The following ERBB4 variants were observed in gnomAD, a reference collection of about 807,000 sequenced individuals.
The protein encoded by ERBB4 is erb-b2 receptor tyrosine kinase 4.
ERBB4 carries 42 observed loss-of-function variants against 158.0 expected under a neutral mutation model. The ratio of observed to expected loss-of-function variants is 0.27; its 90% CI spans 0.21 to 0.34. The LOEUF (loss-of-function observed/expected upper bound fraction) is 0.34, where lower values mean the gene tolerates loss of function less well. Among genes scored for constraint, ERBB4 ranks in the 10% least tolerant of loss-of-function variants. The pLI is 1.00. For missense variants in ERBB4, 1,333 were observed against 1,624.1 expected (o/e 0.82, Z 3.08); for synonymous variants, 583 against 558.7 (o/e 1.04, Z -0.61).
intron 1 of ERBB4, among the ~76,000 whole-genome samples, chr2:212,243,690 G>A (rs929610544): frequency 4.6e-5 from 7 of 151,930 alleles, no homozygotes; most frequent in Non-Finnish European, 7.4e-5. Flanking sequence ...TCAGTTCTGG[G>A]GGTCATATCC....
intron 1 of ERBB4, among the ~76,000 whole-genome samples, chr2:212,217,451 T>C (rs1034834738): frequency 6.6e-6 from 1 of 151,192 alleles, no homozygotes; most frequent in African/African-American, 2.4e-5. Context: ...AAAAAAGACA[T>C]GAAACTTTCT....
Position 212,456,209 on chromosome 2 carries a change from ATTC to A in ERBB4, c.82+82237_82+82239del, listed in dbSNP as rs529558640. 4.7e-4 allele frequency among the ~76,000 whole-genome samples: 72 copies of A among 152,260 alleles called. 1 individual carries two copies. Among genetic ancestry groups the A allele is most frequent in the African/African-American group, 1.7e-3 (70 of 41,578 alleles). On this transcript the variant is annotated intron_variant, in intron 1 of 27. Coordinates refer to ENST00000342788, the MANE Select transcript of ERBB4 (RefSeq NM_005235.3). ...TAATTTCAAAAACAGCTTCAAAATA[ATTC>A]TTCTAACTCCCTAACATAAAATAAA...
At position 212,138,565 on chromosome 2, in the gene ERBB4, T is replaced by G. The variant is rs188631957; in HGVS notation, c.83-13662A>C. 2.6e-5 allele frequency among the ~76,000 whole-genome samples: 4 copies of G among 152,218 alleles called. No individual in the cohort carries two copies. In the East Asian group the frequency reaches 7.7e-4, roughly 29 times the overall value. On this transcript the variant is annotated intron_variant, in intron 1 of 27. Transcript: ENST00000342788. ...AGATGCAGCTCCCCATTCTTGAACTTTCTAGCCTCCAGAATTATAAAAAAA... is the reference window on the plus strand; with the variant it reads ...AGATGCAGCTCCCCATTCTTGAACTGTCTAGCCTCCAGAATTATAAAAAAA...
chr2:211,854,506 G>T (rs13029161), intron 3 of ERBB4, among the ~76,000 whole-genome samples: 1 of 151,918 alleles, frequency 6.6e-6, no homozygotes, highest in Admixed American at 6.6e-5. Context: ...CCTTTCAACA[G>T]GCAATGCCAT....
chr2:212,510,232 T>TA (rs1553655293), intron 1 of ERBB4, among the ~76,000 whole-genome samples: 2 of 144,508 alleles, frequency 1.4e-5, no homozygotes, highest in South Asian at 4.3e-4. Flanking sequence ...TATATATATA[T>TA]AACTACTCCC....
chr2:211,697,271 A>G (rs2073062693), intron 12 of ERBB4, among the ~76,000 whole-genome samples: 1 of 152,144 alleles, frequency 6.6e-6, no homozygotes, highest in South Asian at 2.1e-4. Context: ...TTAATAAATT[A>G]TTTTGGATCC....
chr2:211,693,704 T>C (rs2072905896), intron 12 of ERBB4, among the ~76,000 whole-genome samples: 1 of 152,212 alleles, frequency 6.6e-6, no homozygotes, highest in Admixed American at 6.5e-5. Flanking sequence ...CCACTGTCTG[T>C]GTTAGTTCCA....
chr2:212,500,237 T>C (rs1690811626), intron 1 of ERBB4, among the ~76,000 whole-genome samples: 1 of 152,142 alleles, frequency 6.6e-6, no homozygotes, highest in African/African-American at 2.4e-5. Context: ...TTCATAGGTT[T>C]GCATAATAAG....
chr2:211,399,295 A>G (rs192341536), intron 25 of ERBB4, among the ~76,000 whole-genome samples: 9 of 152,324 alleles, frequency 5.9e-5, no homozygotes, highest in Admixed American at 5.9e-4. Context: ...AATTTTTCAT[A>G]TCTAGCACAG....
At chr2:211,687,986 T>C (rs1019325240) in intron 12 of ERBB4, among the ~76,000 whole-genome samples, 1 of 152,320 alleles carries the variant, frequency 6.6e-6, no homozygotes, top group African/African-American at 2.4e-5. Flanking sequence ...CCACTTCACA[T>C]CTATTCTAAG....
intron 20 of ERBB4, among the ~76,000 whole-genome samples, chr2:211,556,001 G>GC (rs754630497): frequency 3.1e-4 from 47 of 152,222 alleles, no homozygotes; most frequent in Admixed American, 5.2e-4. Flanking sequence ...TGGGCTAAAT[G>GC]CCCCAATTAA....
At chr2:211,933,951 C>CA (rs34791485) in intron 3 of ERBB4, among the ~76,000 whole-genome samples, 22 of 151,724 alleles carry the variant, frequency 1.5e-4, no homozygotes, top group Non-Finnish European at 3.1e-4. Flanking sequence ...AATGTGAGCT[C>CA]AAAATAAAAC....
At chr2:212,238,489 G>A (rs62182612) in intron 1 of ERBB4, among the ~76,000 whole-genome samples, 23,431 of 152,058 alleles carry the variant, frequency 0.15, 2,221 homozygotes, top group Non-Finnish European at 0.2. Context: ...TGTTGATCTC[G>A]CTGGAAGCTG....
chr2:212,369,996 A>C (rs993292404), intron 1 of ERBB4, among the ~76,000 whole-genome samples: 6 of 152,200 alleles, frequency 3.9e-5, no homozygotes, highest in African/African-American at 1.4e-4. Flanking sequence ...TTAAAGGGAG[A>C]TATAGAGAGA....
At chr2:212,425,335 A>ATACATATATATGAACATATATGTATAT (rs1487342233) in intron 1 of ERBB4, among the ~76,000 whole-genome samples, 1 of 120,616 alleles carries the variant, frequency 8.3e-6, no homozygotes, top group African/African-American at 4.7e-5. Flanking sequence ...TAAATATATA[A>ATACATATATATGAACATATATGTATAT]GGATACATAT....
chr2:212,003,216 G>GAAAGAAAGAAAGAAACAGAAA, intron 2 of ERBB4, among the ~76,000 whole-genome samples: 1 of 34,506 alleles, frequency 2.9e-5, no homozygotes, highest in African/African-American at 1.1e-4. Flanking sequence ...ACAGAAAGAA[G>GAAAGAAAGAAAGAAACAGAAA]GAAGGAAGGA....
At chr2:212,385,634 CTG>C (rs2090651257) in intron 1 of ERBB4, among the ~76,000 whole-genome samples, 1 of 151,746 alleles carries the variant, frequency 6.6e-6, no homozygotes, top group African/African-American at 2.4e-5. Flanking sequence ...TTTCTGCTTG[CTG>C]TTAATAGTAT....
chr2:211,477,258 T>A (rs978372756), intron 20 of ERBB4, among the ~76,000 whole-genome samples: 1 of 151,966 alleles, frequency 6.6e-6, no homozygotes, highest in Admixed American at 6.6e-5. Context: ...GATTTTAGAT[T>A]TACCAAGTCT....
At chr2:212,000,748 T>C (rs973254871) in intron 2 of ERBB4, among the ~76,000 whole-genome samples, 17 of 151,790 alleles carry the variant, frequency 1.1e-4, no homozygotes, top group African/African-American at 4.1e-4. Context: ...CCAAAATCTA[T>C]AATTAGATAG....
Sources: gnomAD v4.1 joint callset for allele counts (sites outside exome capture counted in the v4.1 genomes callset) on GRCh38, gnomAD v4.1.1 for gene constraint, MANE v1.5 for transcripts, NCBI Gene and HGNC (gene_info 2026-07-23, HGNC 2026-07-21) for gene names.